PREX1: variants seen among roughly 807,000 people sequenced by gnomAD.
PREX1 encodes the protein phosphatidylinositol 3,4,5-trisphosphate-dependent Rac exchanger 1 protein.
A neutral mutation model predicts 198.3 loss-of-function variants in PREX1; 41 were observed. The observed-to-expected ratio is 0.21, with a 90% CI of 0.16 to 0.27. The LOEUF is 0.27. Ranked by LOEUF, PREX1 falls within the 10% of genes least tolerant of loss-of-function variation. The pLI is 1.00. For synonymous variants in PREX1, 843 were observed against 887.2 expected (o/e 0.95, Z 0.89); for missense variants, 1,620 against 2,200.7 (o/e 0.74, Z 5.28).
At position 48,757,567 on chromosome 20, in the gene PREX1, T is replaced by C. The variant is rs150946061; in HGVS notation, c.220-9687A>G. Among the ~76,000 whole-genome samples, 7 of 152,314 alleles carry C rather than the reference T, an allele frequency of 4.6e-5. No homozygotes were observed. The East Asian group carries it at 1.4e-3, about 29-fold the overall frequency. ...TGCCTCATCTATAAAATCTGTGTAA[T>C]GGAGCCTCACCTTGCAAGTCGCTGA... is the stretch of plus-strand genomic sequence containing the variant. On this transcript the variant is annotated intron_variant, in intron 1 of 39. Transcript: ENST00000371941.
chr20:48,866,171 C>G, the PREX1 span, among the ~76,000 whole-genome samples: 6 of 152,100 alleles, frequency 3.9e-5, no homozygotes, highest in African/African-American at 1.4e-4. Flanking sequence ...AGGCTGGTCT[C>G]AAACTCCTGG....
Position 48,691,485 on chromosome 20 carries a change from C to G in PREX1, c.1037-389G>C, listed in dbSNP as rs1423810766. On this transcript the variant is annotated intron_variant, in intron 8 of 39. Coordinates refer to ENST00000371941, the MANE Select transcript of PREX1 (RefSeq NM_020820.4). The surrounding 1 kb of genome is among the most constrained non-coding windows in gnomAD (Gnocchi z 5.0). ...TGACAAGCCAAGTCAAACGTGGGAC[C>G]CTTACCCAGTGCTGGCTGGGATGGG... Among the ~76,000 whole-genome samples the G allele has an allele frequency of 1.3e-5, 2 of 152,152 alleles. No homozygotes were observed. Among genetic ancestry groups the G allele is most frequent in the Non-Finnish European group, 2.9e-5 (2 of 68,024 alleles).
intron 25 of PREX1, among the ~76,000 whole-genome samples, chr20:48,646,642 TC>T (rs1333408253): frequency 5.2e-5 from 7 of 134,048 alleles, no homozygotes; most frequent in African/African-American, 2.0e-4. Context: ...TGAGCCAAGA[TC>T]GCACCACTGC....
At chr20:48,807,063 G>A (rs2090414922) in intron 1 of PREX1, among the ~76,000 whole-genome samples, 1 of 152,176 alleles carries the variant, frequency 6.6e-6, no homozygotes, top group Non-Finnish European at 1.5e-5. Context: ...TGACATGAGG[G>A]AAAAGACAAC....
intron 7 of PREX1, among the ~76,000 whole-genome samples, chr20:48,700,508 ATTAGG>A (rs948667630): frequency 5.9e-5 from 9 of 152,188 alleles, no homozygotes. Flanking sequence ...TTGGGGATCT[ATTAGG>A]TTAACTAAAA....
At chr20:48,879,788 T>C in the PREX1 span, among the ~76,000 whole-genome samples, 2 of 152,246 alleles carry the variant, frequency 1.3e-5, no homozygotes, top group Non-Finnish European at 2.9e-5. Flanking sequence ...AAAGCAGGCA[T>C]GGGCACCAGG....
At chr20:48,844,609 C>G in the PREX1 span, among the ~76,000 whole-genome samples, 3 of 152,176 alleles carry the variant, frequency 2.0e-5, no homozygotes, top group South Asian at 2.1e-4. Flanking sequence ...TTGTTCTGCT[C>G]TTGTGGCTTG....
At chr20:48,699,857 A>ATCTATTCC (rs1286248539) in intron 7 of PREX1, among the ~76,000 whole-genome samples, 2 of 152,128 alleles carry the variant, frequency 1.3e-5, no homozygotes, top group East Asian at 3.9e-4. Flanking sequence ...CCAGCTTTCC[A>ATCTATTCC]TCTATTCCTC....
the PREX1 span, among the ~76,000 whole-genome samples, chr20:48,856,382 G>C: frequency 5.9e-5 from 9 of 152,314 alleles, no homozygotes; most frequent in African/African-American, 2.2e-4. Flanking sequence ...TTAGGACAAA[G>C]TGGTTTCTTC....
At chr20:48,752,536 G>C (rs1275102246) in intron 1 of PREX1, among the ~76,000 whole-genome samples, 2 of 152,206 alleles carry the variant, frequency 1.3e-5, no homozygotes, top group Non-Finnish European at 2.9e-5. Flanking sequence ...GAAGAAGTAA[G>C]ACTGCCTGGG....
Position 48,652,705 on chromosome 20 carries a change from C to A in PREX1, c.2348G>T (p.Gly783Val). 1 of 1,611,202 alleles carries A rather than the reference C, an allele frequency of 6.2e-7. No homozygotes were observed. Among genetic ancestry groups the A allele is most frequent in the Non-Finnish European group, 8.5e-7 (1 of 1,178,414 alleles). Residue 783 changes from glycine (G) to valine (V), a missense_variant and splice_region_variant, in exon 21 of 40, where the codon GGC (glycine) becomes GTC (valine). This residue lies in a region of PREX1 where 514 missense variants were observed against 611.6 expected (regional missense o/e 0.84). Transcript: ENST00000371941. The part of the protein sequence containing the change: ...AFRSRREEAL[G>V]LYQWIYHTHE... Reference sequence around the variant, plus strand: ...GGTGTGGTAGATCCACTGGTACAGGCCCTGCCAGAAGCCAGAGTAAGGGGA... The same window carrying A: ...GGTGTGGTAGATCCACTGGTACAGGACCTGCCAGAAGCCAGAGTAAGGGGA...
intron 1 of PREX1, among the ~76,000 whole-genome samples, chr20:48,808,285 C>G (rs2090420908): frequency 1.3e-5 from 2 of 152,174 alleles, no homozygotes; most frequent in Admixed American, 1.3e-4. Flanking sequence ...CTGTGCCAGG[C>G]ACTCCGGGAG....
At chr20:48,772,334 C>T (rs1336204952) in intron 1 of PREX1, among the ~76,000 whole-genome samples, 3 of 152,228 alleles carry the variant, frequency 2.0e-5, no homozygotes, top group African/African-American at 7.2e-5. Context: ...TGCAGGGTGC[C>T]CATGCCCCCA....
chr20:48,635,436 T>G (rs2089354784), intron 32 of PREX1, among the ~76,000 whole-genome samples: 1 of 152,230 alleles, frequency 6.6e-6, no homozygotes. Context: ...TCCAAGCCTC[T>G]GAACCCTCCA....
chr20:48,752,433 C>T (rs1390043331), intron 1 of PREX1, among the ~76,000 whole-genome samples: 1 of 152,176 alleles, frequency 6.6e-6, no homozygotes, highest in African/African-American at 2.4e-5. Context: ...CTATCCAGAC[C>T]CCACCCTTAC....
rs1601088835 is a variant in PREX1 at position 48,707,007 on chromosome 20, T to C, written c.783+1253A>G. 2.6e-5 allele frequency among the ~76,000 whole-genome samples: 4 copies of C among 152,296 alleles called. No individual in the cohort carries two copies. In the South Asian group the frequency reaches 8.3e-4, roughly 32 times the overall value. On this transcript the variant is annotated intron_variant, in intron 6 of 39. Transcript: ENST00000371941. Reference sequence around the variant, plus strand: ...TCCTCAGGTGGCATCAAGGATTCAGTAGTTGTTGCCTCAACTGTTAACTGC... The same window carrying C: ...TCCTCAGGTGGCATCAAGGATTCAGCAGTTGTTGCCTCAACTGTTAACTGC...
At chr20:48,648,638 G>A (rs538051661) in intron 25 of PREX1, among the ~76,000 whole-genome samples, 68 of 152,288 alleles carry the variant, frequency 4.5e-4, no homozygotes, top group Non-Finnish European at 6.5e-4. Context: ...CCACATGGAC[G>A]TGCTAGAAAC....
At position 48,642,194 on chromosome 20, in the gene PREX1, T is replaced by C; in HGVS notation, c.3749A>G (p.His1250Arg). 1.9e-6 allele frequency: 3 copies of C among 1,614,214 alleles called. No homozygotes were observed. The highest frequency in any genetic ancestry group is 2.5e-6 in the Non-Finnish European group (3 of 1,180,034). Residue 1250 changes from histidine to arginine, a missense_variant, in exon 29 of 40, where the codon CAT becomes CGT. Coordinates refer to ENST00000371941, the MANE Select transcript of PREX1 (RefSeq NM_020820.4). The part of the protein sequence containing the change: ...VMSRAFEETK[H>R]FPMNHSLQEF... ...TTGTAAGCTGTGGTTCATAGGGAAA[T>C]GCTTGGTCTCTTCGAAAGCCCGGCT...
At chr20:48,661,437 AAAAAAAAATAT>A (rs2089591427) in intron 15 of PREX1, among the ~76,000 whole-genome samples, 1 of 105,594 alleles carries the variant, frequency 9.5e-6, no homozygotes, top group African/African-American at 5.5e-5. Flanking sequence ...AAAAAAAAAA[AAAAAAAAATAT>A]ATATATATAT....
Sources: allele counts gnomAD v4.1 joint callset (sites outside exome capture counted in the v4.1 genomes callset), GRCh38; gene constraint gnomAD v4.1.1; regional missense constraint gnomAD v4.1.1; non-coding constraint Gnocchi (gnomAD v3.1); transcripts MANE v1.5; gene names NCBI Gene and HGNC (gene_info 2026-07-23, HGNC 2026-07-21).